WT1: variants seen among roughly 807,000 people sequenced by gnomAD.
WT1 encodes WT1 transcription factor.
Under a neutral mutation model 60.8 loss-of-function variants are expected in WT1, and 8 were observed. That is an observed-to-expected ratio of 0.13 (90% confidence interval 0.08 to 0.24). The LOEUF (loss-of-function observed/expected upper bound fraction) is 0.24, where lower values mean the gene tolerates loss of function less well. WT1 is among the 10% of genes least tolerant of loss of function. The pLI, the probability that WT1 is intolerant of heterozygous loss-of-function variation, is 1.00. For synonymous variants in WT1, 312 were observed against 297.1 expected (o/e 1.05, Z -0.52); for missense variants, 568 against 711.8 (o/e 0.80, Z 2.30).
chr11:32,420,404 T>C (rs1251117813), intron 3 of WT1, among the ~76,000 whole-genome samples: 1 of 152,210 alleles, frequency 6.6e-6, no homozygotes, highest in Non-Finnish European at 1.5e-5. Flanking sequence ...GTGAGGCCCA[T>C]AAAAGGTAAT....
At chr11:32,426,826 C>A (rs1240346610) in intron 3 of WT1, among the ~76,000 whole-genome samples, 3 of 152,190 alleles carry the variant, frequency 2.0e-5, no homozygotes, top group Admixed American at 2.0e-4. Context: ...GGCTCACTCT[C>A]GTAAAGGCAG....
At chr11:32,416,961 A>T (rs1284103277) in intron 4 of WT1, among the ~76,000 whole-genome samples, 1 of 152,184 alleles carries the variant, frequency 6.6e-6, no homozygotes, top group East Asian at 1.9e-4. Flanking sequence ...CCATCTCTTC[A>T]CACTTGGTAG....
At chr11:32,412,075 T>C (rs1423109669) in intron 5 of WT1, among the ~76,000 whole-genome samples, 1 of 152,078 alleles carries the variant, frequency 6.6e-6, no homozygotes, top group African/African-American at 2.4e-5. Flanking sequence ...GAAGTAAATC[T>C]CTTGGACGGA....
At chr11:32,418,047 G>A (rs927281942) in intron 3 of WT1, among the ~76,000 whole-genome samples, 2 of 151,948 alleles carry the variant, frequency 1.3e-5, no homozygotes, top group African/African-American at 2.4e-5. Context: ...TTAATTATTC[G>A]TGAAAAGGCC....
intron 1 of WT1, 123 bp downstream of exon 1, chr11:32,434,577 G>A (rs574508247): frequency 6.5e-7 from 1 of 1,539,732 alleles, no homozygotes; most frequent in South Asian, 1.2e-5. Context: ...CTATCCTCAC[G>A]GCCCTTGGGA....
chr11:32,408,924 C>T (rs1485763601), intron 5 of WT1, among the ~76,000 whole-genome samples: 3 of 152,138 alleles, frequency 2.0e-5, no homozygotes, highest in Non-Finnish European at 4.4e-5. Flanking sequence ...TTAATCAGCC[C>T]TAAGAGACTT....
rs1554945255 is a variant in WT1 at position 32,428,629 on chromosome 11, C to G, written c.662-10G>C. ...GTGACCGTGCTGTAACCTGCGGGAG[C>G]GGCGGAGAGAAGCACAGTGTCAGCG... On this transcript the variant is annotated splice_polypyrimidine_tract_variant and intron_variant, in intron 1 of 9. Transcript: ENST00000452863. The G allele has an allele frequency of 2.5e-6, 4 of 1,611,210 alleles. No individual in the cohort carries two copies. Among genetic ancestry groups the G allele is most frequent in the Non-Finnish European group, 3.4e-6 (4 of 1,179,752 alleles).
At chr11:32,392,822 C>T in intron 7 of WT1, 67 bp from the exon 8 acceptor site, 6 of 1,448,224 alleles carry the variant, frequency 4.1e-6, no homozygotes, top group South Asian at 3.5e-5. Flanking sequence ...AAGGCAACCT[C>T]TCCTACTAGG....
At chr11:32,430,402 AAAAGAGAGAGAGAGAAAGAGAGACAGAC>A in intron 1 of WT1, 1 of 1,304,938 alleles carries the variant, frequency 7.7e-7, no homozygotes, top group Non-Finnish European at 1.0e-6. Context: ...AAGGACACTA[AAAAGAGAGAGAGAGAAAGAGAGACAGAC>A]ACAGAGAGAG....
intron 5 of WT1, among the ~76,000 whole-genome samples, chr11:32,401,715 C>T (rs1852164325): frequency 6.6e-6 from 1 of 151,966 alleles, no homozygotes; most frequent in African/African-American, 2.4e-5. Flanking sequence ...CATTTTTGTA[C>T]TTTTAGTAGA....
At chr11:32,390,507 C>T (rs1851785309) in intron 9 of WT1, among the ~76,000 whole-genome samples, 1 of 152,186 alleles carries the variant, frequency 6.6e-6, no homozygotes, top group African/African-American at 2.4e-5. Flanking sequence ...CAACCATGGG[C>T]CACAGGTGCC....
At chr11:32,406,467 C>T (rs1401888801) in intron 5 of WT1, among the ~76,000 whole-genome samples, 1 of 152,088 alleles carries the variant, frequency 6.6e-6, no homozygotes, top group Non-Finnish European at 1.5e-5. Context: ...TCGCCTGCCG[C>T]TCACCTCCTG....
intron 3 of WT1, among the ~76,000 whole-genome samples, chr11:32,419,795 G>A (rs1405530532): frequency 2.6e-5 from 4 of 152,238 alleles, no homozygotes; most frequent in African/African-American, 4.8e-5. Context: ...CCATGCGCAA[G>A]CAATTCTCCT....
At position 32,396,318 on chromosome 11, in the gene WT1, T is replaced by A. The variant is rs1157534501; in HGVS notation, c.1203A>T (p.Pro401=). 6.2e-7 allele frequency: 1 copy of A among 1,614,216 alleles called. No individual in the cohort carries two copies. The highest frequency in any genetic ancestry group is 1.1e-5 in the South Asian group (1 of 91,084). ...GCTTAAAATATCTCTTATTGCAGCCTGGGTAAGCACACATGAAGGGGCGTT... is the reference window on the plus strand; with the variant it reads ...GCTTAAAATATCTCTTATTGCAGCCAGGGTAAGCACACATGAAGGGGCGTT... The change falls in exon 7 of 10, where the codon CCA becomes CCT. Residue 401 remains proline (P), a synonymous_variant. Coordinates refer to ENST00000452863, the MANE Select transcript of WT1 (RefSeq NM_024426.6).
At chr11:32,391,930 A>G in intron 9 of WT1, 42 bp downstream of exon 9, 1 of 1,578,050 alleles carries the variant, frequency 6.3e-7, no homozygotes, top group Non-Finnish European at 8.7e-7. Context: ...ACAATAGTTT[A>G]AAAAAATAAT....
intron 2 of WT1, 35 bp downstream of exon 2, chr11:32,428,462 G>T: frequency 6.2e-7 from 1 of 1,613,610 alleles, no homozygotes; most frequent in Non-Finnish European, 8.5e-7. Flanking sequence ...CACGGAAGAA[G>T]GGGAGAAGGA....
intron 9 of WT1, among the ~76,000 whole-genome samples, chr11:32,390,280 A>G (rs919138319): frequency 1.3e-5 from 2 of 152,188 alleles, no homozygotes; most frequent in African/African-American, 2.4e-5. Flanking sequence ...GCACTGAGAA[A>G]TGTCCCAGGA....
intron 3 of WT1, among the ~76,000 whole-genome samples, chr11:32,423,549 C>A (rs1210965700): frequency 2.6e-5 from 4 of 152,232 alleles, no homozygotes; most frequent in African/African-American, 9.6e-5. Context: ...TTGAGTGAGA[C>A]TGAGGACAGA....
chr11:32,396,071 G>A (rs1374918931), intron 7 of WT1, among the ~76,000 whole-genome samples, 186 bp downstream of exon 7: 1 of 152,166 alleles, frequency 6.6e-6, no homozygotes, highest in Non-Finnish European at 1.5e-5. Context: ...ACTGACCTCT[G>A]TAATAAAGGA....
Sources: gnomAD v4.1 joint callset for allele counts (sites outside exome capture counted in the v4.1 genomes callset) on GRCh38, gnomAD v4.1.1 for gene constraint, MANE v1.5 for transcripts, NCBI Gene and HGNC (gene_info 2026-07-23, HGNC 2026-07-21) for gene names.